Variants in PTPRD observed in about 807,000 individuals in gnomAD.
PTPRD encodes the protein protein tyrosine phosphatase receptor type D.
Under a neutral mutation model 214.5 loss-of-function variants are expected in PTPRD, and 34 were observed. The observed-to-expected ratio is 0.16, with a 90% confidence interval of 0.12 to 0.21. The LOEUF (loss-of-function observed/expected upper bound fraction) is 0.21. Ranked by LOEUF, PTPRD falls within the 10% of genes least tolerant of loss-of-function variation. The pLI, the probability that PTPRD is intolerant of heterozygous loss-of-function variation, is 1.00. For synonymous variants in PTPRD, 1,128 were observed against 845.7 expected, an observed-to-expected ratio of 1.33 and a Z score of -5.79; for missense variants, 2,545 against 2,398.7, an observed-to-expected ratio of 1.06 and a Z score of -1.27.
rs1343634921 is a variant in PTPRD at position 10,046,717 on chromosome 9, G to GAGAGCAATTA, written c.-544-12937_-544-12928dup. ...ATGATAAGATGGATGATTGCACTCA[G>GAGAGCAATTA]AGAGCAATTAATATTCCTCACTCAA... On this transcript the variant is annotated intron_variant, in intron 3 of 45. Coordinates refer to ENST00000381196, the MANE Select transcript of PTPRD (RefSeq NM_002839.4). Among the ~76,000 whole-genome samples, 5 of 152,038 alleles carry GAGAGCAATTA rather than the reference G, an allele frequency of 3.3e-5. No individual in the cohort carries two copies. In the East Asian group the frequency reaches 7.7e-4, roughly 23 times the overall value.
chr9:8,633,166 T>C, intron 14 of PTPRD, 151 bp downstream of exon 14: 1 of 928,380 alleles, frequency 1.1e-6, no homozygotes. Flanking sequence ...AGAGAAGGTA[T>C]CCACTGTCTA....
chr9:8,570,769 T>A (rs538896285), intron 14 of PTPRD, among the ~76,000 whole-genome samples: 1 of 152,188 alleles, frequency 6.6e-6, no homozygotes, highest in Non-Finnish European at 1.5e-5. Flanking sequence ...TCATTCATAA[T>A]GGTGATGGAT....
intron 3 of PTPRD, among the ~76,000 whole-genome samples, chr9:10,286,610 G>A (rs1477754953): frequency 6.6e-6 from 1 of 151,954 alleles, no homozygotes; most frequent in Non-Finnish European, 1.5e-5. Flanking sequence ...TTGTTTGCTT[G>A]CTTTTGAGAC....
At chr9:8,643,184 C>T (rs185265574) in intron 12 of PTPRD, among the ~76,000 whole-genome samples, 4 of 152,250 alleles carry the variant, frequency 2.6e-5, no homozygotes, top group African/African-American at 4.8e-5. Context: ...AAGCATTATA[C>T]TTTAGAATGG....
At chr9:9,855,574 G>A (rs2061396709) in intron 5 of PTPRD, among the ~76,000 whole-genome samples, 1 of 152,068 alleles carries the variant, frequency 6.6e-6, no homozygotes, top group Non-Finnish European at 1.5e-5. Context: ...TCAACCTGCC[G>A]CTCTCAACAA....
intron 5 of PTPRD, among the ~76,000 whole-genome samples, chr9:9,869,388 G>A (rs1600341222): frequency 6.6e-6 from 1 of 152,056 alleles, no homozygotes; most frequent in Non-Finnish European, 1.5e-5. Flanking sequence ...GGTGAAAGTT[G>A]TTGGGACACT....
intron 5 of PTPRD, among the ~76,000 whole-genome samples, chr9:9,860,365 C>A (rs1338354814): frequency 6.6e-6 from 1 of 152,162 alleles, no homozygotes; most frequent in Non-Finnish European, 1.5e-5. Context: ...CTGTTTCTTT[C>A]TTGAAGAAAT....
chr9:9,196,680 A>T (rs1279174518), intron 9 of PTPRD, among the ~76,000 whole-genome samples: 2 of 152,218 alleles, frequency 1.3e-5, no homozygotes, highest in African/African-American at 4.8e-5. Flanking sequence ...GAAATCATGC[A>T]TGCAAAACAT....
chr9:9,682,884 A>G (rs574554906), intron 7 of PTPRD, among the ~76,000 whole-genome samples: 136 of 151,448 alleles, frequency 9.0e-4, no homozygotes, highest in Non-Finnish European at 1.8e-3. Flanking sequence ...ACAGGGAAAA[A>G]GAGAGTTTTC....
At chr9:8,836,262 T>C (rs1326565566) in intron 11 of PTPRD, among the ~76,000 whole-genome samples, 1 of 152,146 alleles carries the variant, frequency 6.6e-6, no homozygotes, top group African/African-American at 2.4e-5. Flanking sequence ...AATTTGAGTG[T>C]TTTGATAGTC....
intron 11 of PTPRD, among the ~76,000 whole-genome samples, chr9:9,008,377 G>A (rs187463961): frequency 2.4e-4 from 36 of 151,418 alleles, no homozygotes; most frequent in Non-Finnish European, 4.0e-4. Context: ...ACAGGCTCCC[G>A]CCACCACACC....
At chr9:8,853,310 A>G (rs1332143893) in intron 11 of PTPRD, among the ~76,000 whole-genome samples, 1 of 152,168 alleles carries the variant, frequency 6.6e-6, no homozygotes, top group Non-Finnish European at 1.5e-5. Context: ...TTTACATCTG[A>G]GGCTATAATT....
intron 3 of PTPRD, among the ~76,000 whole-genome samples, chr9:10,266,951 G>A (rs983493610): frequency 6.6e-6 from 1 of 152,026 alleles, no homozygotes; most frequent in African/African-American, 2.4e-5. Context: ...AGCACTTTGG[G>A]AGGCCGAGGC....
In PTPRD at chr9:9,740,632, G is replaced by C. The variant is rs530522213; in HGVS notation, c.-325-6061C>G. On this transcript the variant is annotated intron_variant, in intron 6 of 45. Coordinates refer to ENST00000381196, the MANE Select transcript of PTPRD (RefSeq NM_002839.4). ...TGCCTTGGCTCCCTTTCAAAGTGCT[G>C]GGATTACAGGCCTGAGCCACCGCAC... Among the ~76,000 whole-genome samples, 143 of 152,164 alleles carry C rather than the reference G, an allele frequency of 9.4e-4. 1 individual carries two copies. The highest frequency in any genetic ancestry group is 3.2e-3 in the African/African-American group (133 of 41,506).
chr9:8,921,105 C>A (rs1032332638), intron 11 of PTPRD, among the ~76,000 whole-genome samples: 1 of 152,180 alleles, frequency 6.6e-6, no homozygotes, highest in Non-Finnish European at 1.5e-5. Flanking sequence ...TGAACCACCG[C>A]GTCTGGCCGA....
intron 35 of PTPRD, among the ~76,000 whole-genome samples, chr9:8,431,381 T>C (rs1424429531): frequency 6.6e-6 from 1 of 152,102 alleles, no homozygotes; most frequent in African/African-American, 2.4e-5. Flanking sequence ...ATCAGGAAAT[T>C]GCCACAGCCC....
chr9:9,993,738 T>C (rs560538215), intron 4 of PTPRD, among the ~76,000 whole-genome samples: 1 of 151,160 alleles, frequency 6.6e-6, no homozygotes, highest in African/African-American at 2.4e-5. Context: ...CTGGTCACTT[T>C]TGTGAATATT....
chr9:8,802,322 T>C (rs976086018), intron 11 of PTPRD, among the ~76,000 whole-genome samples: 8 of 152,202 alleles, frequency 5.3e-5, no homozygotes, highest in Non-Finnish European at 1.0e-4. Context: ...TCAGACACCA[T>C]GTATCACAGG....
intron 2 of PTPRD, among the ~76,000 whole-genome samples, chr9:10,408,111 T>C (rs2098394233): frequency 6.6e-6 from 1 of 151,570 alleles, no homozygotes; most frequent in African/African-American, 2.4e-5. Context: ...TGCCTTGTTA[T>C]CTTTGCTTGT....
Sources: allele counts gnomAD v4.1 joint callset (sites outside exome capture counted in the v4.1 genomes callset), GRCh38; gene constraint gnomAD v4.1.1; transcripts MANE v1.5; gene names NCBI Gene and HGNC (gene_info 2026-07-23, HGNC 2026-07-21).